The following PANK3 variants were observed in gnomAD, a reference collection of about 807,000 sequenced individuals.
The protein encoded by PANK3 is hPanK3.
A neutral mutation model predicts 39.4 loss-of-function variants in PANK3; 20 were observed. The ratio of observed to expected loss-of-function variants is 0.51; its 90% CI spans 0.36 to 0.74. The LOEUF is 0.74. Ranked by LOEUF, PANK3 falls within the 30% of genes least tolerant of loss-of-function variation. The pLI, the probability that PANK3 is intolerant of heterozygous loss-of-function variation, is 0.00. For missense variants in PANK3, 265 were observed against 437.0 expected, an observed-to-expected ratio of 0.61 and a Z score of 3.51; for synonymous variants, 140 against 157.3, an observed-to-expected ratio of 0.89 and a Z score of 0.82.
intron 2 of PANK3, among the ~76,000 whole-genome samples, chr5:168,568,410 C>T (rs1449827360): frequency 6.6e-6 from 1 of 152,176 alleles, no homozygotes; most frequent in Non-Finnish European, 1.5e-5. Flanking sequence ...TTTATTGTAG[C>T]TTTGTAGTAC....
chr5:168,552,449 T>C lies in PANK3; in HGVS notation c.*5122A>G, dbSNP rs1759286805. 6.5e-6 allele frequency: 1 copy of C among 153,846 alleles called. No individual in the cohort carries two copies. The highest frequency in any genetic ancestry group is 6.5e-5 in the Admixed American group (1 of 15,296). 9.5% of individuals were successfully genotyped at this position (153,846 alleles called of 1,614,324 possible). ...GTAACAGAAATACATAAGCATGCCATGACCCTAAAGCAACAACACACTTAA... is the reference window on the plus strand; with the variant it reads ...GTAACAGAAATACATAAGCATGCCACGACCCTAAAGCAACAACACACTTAA... On this transcript the variant is annotated 3_prime_UTR_variant, in exon 7 of 7. Coordinates refer to ENST00000239231, the MANE Select transcript of PANK3 (RefSeq NM_024594.4).
chr5:168,560,182 T>C (rs537204429), intron 5 of PANK3, among the ~76,000 whole-genome samples: 2 of 152,312 alleles, frequency 1.3e-5, no homozygotes, highest in Non-Finnish European at 1.5e-5. Context: ...CATGGTCTAC[T>C]AGTAACTCCA....
chr5:168,567,634 T>C (rs191839330), intron 2 of PANK3, among the ~76,000 whole-genome samples: 67 of 152,244 alleles, frequency 4.4e-4, no homozygotes, highest in Non-Finnish European at 3.4e-4. Context: ...TTATATTCCT[T>C]CTGAGACAGG....
At position 168,552,308 on chromosome 5, in the gene PANK3, G is replaced by C; in HGVS notation, c.*5263C>G. The stretch of plus-strand genomic sequence containing the variant: ...CATGAGATCTGCTTCAGTGAAGTAC[G>C]TATGTATTTTGGGTTGTTGGGAACT... On this transcript the variant is annotated 3_prime_UTR_variant, in exon 7 of 7. Coordinates refer to ENST00000239231, the MANE Select transcript of PANK3 (RefSeq NM_024594.4). The C allele has an allele frequency of 6.6e-6, 1 of 152,252 alleles. No homozygotes were observed. Among genetic ancestry groups the C allele is most frequent in the South Asian group, 2.1e-4 (1 of 4,820 alleles). 9.4% of individuals were successfully genotyped at this position (152,252 alleles called of 1,614,324 possible).
chr5:168,565,427 T>C (rs1189475117), intron 3 of PANK3, among the ~76,000 whole-genome samples: 1 of 152,174 alleles, frequency 6.6e-6, no homozygotes, highest in Non-Finnish European at 1.5e-5. Context: ...AATTACAATG[T>C]TCCCCAGTAC....
intron 2 of PANK3, among the ~76,000 whole-genome samples, chr5:168,567,450 T>A (rs971095719): frequency 5.3e-5 from 8 of 152,208 alleles, no homozygotes; most frequent in African/African-American, 1.9e-4. Context: ...AAAAGCGTAT[T>A]ATAAGACACC....
intron 2 of PANK3, among the ~76,000 whole-genome samples, chr5:168,566,737 T>C (rs1759542098): frequency 6.6e-6 from 1 of 152,088 alleles, no homozygotes; most frequent in African/African-American, 2.4e-5. Flanking sequence ...AGTCACTCCA[T>C]TCATTCATTC....
intron 1 of PANK3, 123 bp downstream of exon 1, chr5:168,579,133 C>T: frequency 1.2e-6 from 1 of 836,408 alleles, no homozygotes; most frequent in Non-Finnish European, 1.7e-6. Flanking sequence ...TCCCTCCGCC[C>T]CCATACCGGA....
intron 1 of PANK3, among the ~76,000 whole-genome samples, chr5:168,575,454 A>C (rs549798005): frequency 1.7e-5 from 2 of 119,406 alleles, no homozygotes; most frequent in East Asian, 6.1e-4. Context: ...AAGGAAGCAG[A>C]GAACACTAAC....
chr5:168,560,849 T>C (rs752406941), intron 5 of PANK3: 2 of 389,590 alleles, frequency 5.1e-6, no homozygotes, highest in South Asian at 4.3e-5. Flanking sequence ...TTTTCACACT[T>C]TTCTTGTAAC....
intron 1 of PANK3, among the ~76,000 whole-genome samples, chr5:168,572,155 C>G (rs1172977018): frequency 6.8e-6 from 1 of 146,122 alleles, no homozygotes; most frequent in Non-Finnish European, 1.5e-5. Flanking sequence ...GCTCTGTGGC[C>G]CAGACTGGAG....
intron 3 of PANK3, among the ~76,000 whole-genome samples, chr5:168,565,492 AAAG>A (rs1429872931): frequency 6.6e-6 from 1 of 152,150 alleles, no homozygotes; most frequent in East Asian, 1.9e-4. Context: ...AAAAATAGGT[AAAG>A]AAGAAAAATG....
intron 5 of PANK3, among the ~76,000 whole-genome samples, chr5:168,560,737 G>A (rs528012661): frequency 1.3e-5 from 2 of 152,118 alleles, no homozygotes; most frequent in Middle Eastern, 3.4e-3. Context: ...AAAATTAAAC[G>A]GGCAAATATA....
intron 4 of PANK3, among the ~76,000 whole-genome samples, chr5:168,562,472 A>T (rs1582463027): frequency 6.6e-6 from 1 of 152,210 alleles, no homozygotes; most frequent in East Asian, 1.9e-4. Flanking sequence ...AGGGAGAGGC[A>T]GGAGATATTA....
At chr5:168,569,026 A>ATCT in intron 1 of PANK3, 28 bp from the exon 2 acceptor site, 1 of 305,140 alleles carries the variant, frequency 3.3e-6, no homozygotes, top group Non-Finnish European at 4.6e-6. Flanking sequence ...AAAAAAAAAA[A>ATCT]AAAAATATAT....
chr5:168,570,228 C>T (rs1554125963), intron 1 of PANK3, among the ~76,000 whole-genome samples: 1 of 151,274 alleles, frequency 6.6e-6, no homozygotes, highest in Non-Finnish European at 1.5e-5. Flanking sequence ...TAAAAAAATA[C>T]AAAAAAATTA....
At position 168,563,925 on chromosome 5, in the gene PANK3, T is replaced by C. The variant is rs201687440; in HGVS notation, c.776A>G (p.Glu259Gly). Residue 259 changes from glutamate (E) to glycine (G), a missense_variant, in exon 4 of 7, where the codon GAA (glutamate) becomes GGA (glycine). Glu to Gly is a moderately conservative substitution (Grantham distance 98). This residue lies in a region of PANK3 where 110 missense variants were observed against 161.2 expected (regional missense o/e 0.68). Coordinates refer to ENST00000239231, the MANE Select transcript of PANK3 (RefSeq NM_024594.4). ...LVRDIYGGDYERFGLPGWAVA... is the reference protein window; with the variant it reads ...LVRDIYGGDYGRFGLPGWAVA... Reference sequence around the variant, plus strand: ...AGCCCAACCTGGCAAACCAAATCTTTCATAATCTCCTCCATAAATATCACG... The same window carrying C: ...AGCCCAACCTGGCAAACCAAATCTTCCATAATCTCCTCCATAAATATCACG... The C allele has an allele frequency of 1.2e-6, 2 of 1,612,008 alleles. No homozygotes were observed. The highest frequency in any genetic ancestry group is 1.7e-6 in the Non-Finnish European group (2 of 1,179,094).
chr5:168,573,791 G>A (rs1462834439), intron 1 of PANK3, among the ~76,000 whole-genome samples: 1 of 151,036 alleles, frequency 6.6e-6, no homozygotes, highest in Non-Finnish European at 1.5e-5. Context: ...TCTTGCGATA[G>A]TTTACTGAGA....
chr5:168,559,094 A>C lies in PANK3; in HGVS notation c.1000T>G (p.Leu334Val), dbSNP rs1759401113. ...LRVNTLSMKL[L>V]AYALDYWSKG... Reference sequence around the variant, plus strand: ...GACCAGTAATCCAGTGCATATGCCAAAAGTTTCATTGAGAGGGTATTGACA... The same window carrying C: ...GACCAGTAATCCAGTGCATATGCCACAAGTTTCATTGAGAGGGTATTGACA... Residue 334 changes from leucine (L) to valine (V), a missense_variant, in exon 6 of 7, where the codon TTG becomes GTG. Transcript: ENST00000239231. The C allele has an allele frequency of 1.2e-6, 2 of 1,609,294 alleles. No individual in the cohort carries two copies. Among genetic ancestry groups the C allele is most frequent in the Admixed American group, 3.3e-5 (2 of 59,874 alleles).
Sources: gnomAD v4.1 joint callset for allele counts (sites outside exome capture counted in the v4.1 genomes callset) on GRCh38, gnomAD v4.1.1 for gene constraint, gnomAD v4.1.1 regional missense constraint, MANE v1.5 for transcripts, NCBI Gene and HGNC (gene_info 2026-07-23, HGNC 2026-07-21) for gene names.